RBFOX1: variants seen among roughly 807,000 people sequenced by gnomAD.
RBFOX1 encodes RNA binding fox-1 homolog 1, also known as RNA binding protein fox-1 homolog 1.
RBFOX1 carries 8 observed loss-of-function variants against 57.7 expected under a neutral mutation model. That is an observed-to-expected ratio of 0.14 (90% confidence interval 0.08 to 0.25). RBFOX1 has a LOEUF of 0.25. Ranked by LOEUF, RBFOX1 falls within the 10% of genes least tolerant of loss-of-function variation. The pLI is 1.00. For synonymous variants in RBFOX1, 326 were observed against 222.4 expected (o/e 1.47, Z -4.15); for missense variants, 611 against 548.5 (o/e 1.11, Z -1.14).
chr16:5,783,124 T>G (rs2054379350), intron 3 of RBFOX1, among the ~76,000 whole-genome samples: 1 of 152,210 alleles, frequency 6.6e-6, no homozygotes, highest in African/African-American at 2.4e-5. Flanking sequence ...CACACCCTCT[T>G]TACTTAAATA....
chr16:5,565,075 A>T (rs2046017599), intron 2 of RBFOX1, among the ~76,000 whole-genome samples: 1 of 152,188 alleles, frequency 6.6e-6, no homozygotes, highest in Non-Finnish European at 1.5e-5. Context: ...GGAGACAGTG[A>T]GGATGTCAAG....
intron 1 of RBFOX1, among the ~76,000 whole-genome samples, chr16:5,281,978 A>G (rs1259061195): frequency 6.6e-6 from 1 of 152,110 alleles, no homozygotes; most frequent in Non-Finnish European, 1.5e-5. Flanking sequence ...GTTATTTTGT[A>G]TATCCTTTTG....
intron 1 of RBFOX1, among the ~76,000 whole-genome samples, chr16:6,316,716 T>C (rs954834869): frequency 4.6e-5 from 7 of 152,168 alleles, no homozygotes; most frequent in African/African-American, 1.7e-4. Context: ...TGTACATGCA[T>C]GTCTTGTCAA....
intron 1 of RBFOX1, among the ~76,000 whole-genome samples, chr16:5,286,490 A>G (rs1257891233): frequency 6.6e-6 from 1 of 152,204 alleles, no homozygotes; most frequent in Admixed American, 6.5e-5. Context: ...GCACCAGCAT[A>G]TTCCTATGCA....
chr16:7,032,684 G>C (rs184194305), intron 3 of RBFOX1, among the ~76,000 whole-genome samples: 1 of 151,950 alleles, frequency 6.6e-6, no homozygotes, highest in Non-Finnish European at 1.5e-5. Context: ...AATAATTCCA[G>C]TGAACACATG....
intron 4 of RBFOX1, among the ~76,000 whole-genome samples, chr16:7,437,106 C>T (rs1426757338): frequency 6.6e-6 from 1 of 152,052 alleles, no homozygotes; most frequent in African/African-American, 2.4e-5. Context: ...ACCAGAAAGC[C>T]ACAGAGCAGA....
At chr16:6,117,192 A>G (rs1300711826) in intron 1 of RBFOX1, among the ~76,000 whole-genome samples, 1 of 152,154 alleles carries the variant, frequency 6.6e-6, no homozygotes, top group Non-Finnish European at 1.5e-5. Context: ...AAAGGGTGAG[A>G]GTTCAGGGGG....
At chr16:5,928,502 T>C (rs2152242271) in intron 4 of RBFOX1, among the ~76,000 whole-genome samples, 1 of 152,312 alleles carries the variant, frequency 6.6e-6, no homozygotes, top group South Asian at 2.1e-4. Flanking sequence ...AACATCATGT[T>C]GTACCCCATA....
rs577256867 is a variant in RBFOX1, at chr16:7,317,896, CCCCAGTACAGTA to C, written c.28-200245_28-200234del. Among the ~76,000 whole-genome samples the C allele has an allele frequency of 4.1e-3, 621 of 152,262 alleles. 5 individuals carry two copies. Among genetic ancestry groups the C allele is most frequent in the Non-Finnish European group, 3.0e-3 (205 of 68,026 alleles). On this transcript the variant is annotated intron_variant, in intron 4 of 15. Coordinates refer to ENST00000550418, the MANE Select transcript of RBFOX1 (RefSeq NM_018723.4). ...ATGGCACGAGCTAGTTTGTATACTA[CCCCAGTACAGTA>C]CCCAGCAAACAGAAGGAGCTCAATA...
downstream of RBFOX1, among the ~76,000 whole-genome samples, chr16:5,603,254 A>C (rs1003066828): frequency 4.6e-5 from 7 of 152,226 alleles, no homozygotes; most frequent in African/African-American, 1.4e-4. Context: ...AGTACCTGGC[A>C]TTGCACCCAC....
chr16:7,671,397 C>T (rs557875306), intron 13 of RBFOX1, among the ~76,000 whole-genome samples: 9 of 152,256 alleles, frequency 5.9e-5, no homozygotes, highest in Non-Finnish European at 1.0e-4. Flanking sequence ...TTGTCGATGC[C>T]CAGTGCCCCT....
intron 3 of RBFOX1, among the ~76,000 whole-genome samples, chr16:6,989,119 C>G (rs1181617643): frequency 1.3e-5 from 2 of 152,134 alleles, no homozygotes; most frequent in Admixed American, 1.3e-4. Flanking sequence ...TTGGCCTAAA[C>G]TCTTGACCTC....
At chr16:6,057,751 A>C (rs1047302097) in intron 1 of RBFOX1, among the ~76,000 whole-genome samples, 2 of 148,178 alleles carry the variant, frequency 1.3e-5, no homozygotes, top group Non-Finnish European at 3.0e-5. Context: ...TGGAGGGGAA[A>C]TTTCTTGCAA....
At chr16:6,267,563 T>A (rs1205561283) in intron 1 of RBFOX1, among the ~76,000 whole-genome samples, 4 of 152,230 alleles carry the variant, frequency 2.6e-5, no homozygotes, top group Non-Finnish European at 5.9e-5. Context: ...GCTAGAGTCT[T>A]ATCTGACAGA....
chr16:6,884,968 A>AG (rs1441488075), intron 3 of RBFOX1, among the ~76,000 whole-genome samples: 3 of 152,208 alleles, frequency 2.0e-5, no homozygotes, highest in Non-Finnish European at 2.9e-5. Flanking sequence ...ACCGCAACCC[A>AG]GATCTATCTT....
chr16:6,949,753 G>GT (rs1403715656), intron 3 of RBFOX1, among the ~76,000 whole-genome samples: 3 of 151,972 alleles, frequency 2.0e-5, no homozygotes, highest in Non-Finnish European at 4.4e-5. Flanking sequence ...TAGGAATTTT[G>GT]AAGGGACACA....
intron 4 of RBFOX1, among the ~76,000 whole-genome samples, chr16:7,181,141 T>C (rs969854137): frequency 1.2e-4 from 18 of 152,202 alleles, no homozygotes; most frequent in Non-Finnish European, 2.1e-4. Flanking sequence ...AATCCTTCCT[T>C]GTCATGTGCC....
intron 4 of RBFOX1, among the ~76,000 whole-genome samples, chr16:7,381,210 A>G (rs1372959000): frequency 6.6e-6 from 1 of 152,176 alleles, no homozygotes; most frequent in Non-Finnish European, 1.5e-5. Flanking sequence ...CTTCCATCAA[A>G]GGGATTGAGG....
chr16:5,644,119 A>G (rs1215093550), intron 3 of RBFOX1, among the ~76,000 whole-genome samples: 1 of 152,260 alleles, frequency 6.6e-6, no homozygotes, highest in Non-Finnish European at 1.5e-5. Context: ...TTAGCAATTC[A>G]TAAAAGCAGA....
Sources: allele counts gnomAD v4.1 joint callset (sites outside exome capture counted in the v4.1 genomes callset), GRCh38; gene constraint gnomAD v4.1.1; transcripts MANE v1.5; gene names NCBI Gene and HGNC (gene_info 2026-07-23, HGNC 2026-07-21).